Variants in SHQ1 observed in about 807,000 individuals in gnomAD.
SHQ1 encodes SHQ1, H/ACA ribonucleoprotein assembly factor, also known as protein SHQ1 homolog.
A neutral mutation model predicts 53.8 loss-of-function variants in SHQ1; 49 were observed. The observed-to-expected ratio is 0.91, with a 90% CI of 0.72 to 1.16. The LOEUF (loss-of-function observed/expected upper bound fraction) is 1.16, where lower values mean the gene tolerates loss of function less well. Among genes scored for constraint, SHQ1 ranks in the 50% most tolerant of loss-of-function variants. The pLI, the probability that SHQ1 is intolerant of heterozygous loss-of-function variation, is 0.00. For synonymous variants in SHQ1, 243 were observed against 251.0 expected, an observed-to-expected ratio of 0.97 and a Z score of 0.30; for missense variants, 738 against 683.1, an observed-to-expected ratio of 1.08 and a Z score of -0.90.
At chr3:72,823,293 T>C (rs1421097581) in intron 6 of SHQ1, among the ~76,000 whole-genome samples, 1 of 152,092 alleles carries the variant, frequency 6.6e-6, no homozygotes, top group Non-Finnish European at 1.5e-5. Flanking sequence ...CATAAAAACA[T>C]TTATTACAAT....
chr3:72,844,383 G>C lies in SHQ1; in HGVS notation c.184C>G (p.Gln62Glu), dbSNP rs571359083. 1.5e-5 allele frequency: 24 copies of C among 1,613,688 alleles called. No individual in the cohort carries two copies. In the South Asian group the frequency reaches 2.6e-4, roughly 18 times the overall value. ...PGRIVENGSE[Q>E]GSYDADKGIF... ...CCTTTATCTGCATCATAGGACCCTT[G>C]CTCACTTCCATTTTCTACAATTCTT... The change falls in exon 2 of 11, where the codon CAA (glutamine) becomes GAA (glutamate). Residue 62 changes from glutamine to glutamate, a missense_variant. Transcript: ENST00000325599.
At position 72,813,633 on chromosome 3, in the gene SHQ1, T is replaced by A. The variant is rs1416337977; in HGVS notation, c.937-839A>T. Among the ~76,000 whole-genome samples, 3 of 151,366 alleles carry A rather than the reference T, an allele frequency of 2.0e-5. No individual in the cohort carries two copies. In the East Asian group the frequency reaches 5.8e-4, roughly 29 times the overall value. On this transcript the variant is annotated intron_variant, in intron 8 of 10. Transcript: ENST00000325599. ...AAAATTAGCCGGGCGTGGTGGCAGG[T>A]GCCTGTAGTCCCAGCTACTCGGGAA...
At chr3:72,838,003 A>T (rs1212533991) in intron 4 of SHQ1, among the ~76,000 whole-genome samples, 1 of 152,244 alleles carries the variant, frequency 6.6e-6, no homozygotes, top group East Asian at 1.9e-4. Context: ...GCACAGTGCT[A>T]TCCAAATCCC....
At position 72,789,933 on chromosome 3, in the gene SHQ1, A is replaced by G. The variant is rs147667779; in HGVS notation, c.1181+2983T>C. On this transcript the variant is annotated intron_variant, in intron 10 of 10. Transcript: ENST00000325599. ...GGTATGGGTGGAGACAACTGGTTGC[A>G]TAAGTGGCATATCTTGAAAAATATG... Among the ~76,000 whole-genome samples, 935 of 152,364 alleles carry G rather than the reference A, an allele frequency of 6.1e-3. 14 individuals are homozygous for G. The highest frequency in any genetic ancestry group is 0.021 in the African/African-American group (878 of 41,576).
chr3:72,791,776 T>C (rs1335011108), intron 10 of SHQ1, among the ~76,000 whole-genome samples: 1 of 152,060 alleles, frequency 6.6e-6, no homozygotes, highest in Non-Finnish European at 1.5e-5. Flanking sequence ...GGTCTTGAAC[T>C]CCTGAACTCA....
chr3:72,831,452 G>A (rs1284972816), intron 5 of SHQ1, among the ~76,000 whole-genome samples: 2 of 152,222 alleles, frequency 1.3e-5, no homozygotes, highest in African/African-American at 2.4e-5. Context: ...CCTTGAGCAA[G>A]TCCCTTAAAC....
At chr3:72,783,780 T>G (rs930665167) in intron 10 of SHQ1, among the ~76,000 whole-genome samples, 1 of 152,206 alleles carries the variant, frequency 6.6e-6, no homozygotes, top group Admixed American at 6.5e-5. Context: ...TTGTATGTAT[T>G]AAGCTCCTCA....
intron 10 of SHQ1, among the ~76,000 whole-genome samples, chr3:72,768,710 T>C (rs1705785879): frequency 1.3e-5 from 2 of 152,238 alleles, no homozygotes; most frequent in African/African-American, 4.8e-5. Flanking sequence ...CAGCAGTTTT[T>C]TCCTCGACAC....
At chr3:72,775,585 C>T (rs1020751961) in intron 10 of SHQ1, among the ~76,000 whole-genome samples, 3 of 150,666 alleles carry the variant, frequency 2.0e-5, no homozygotes, top group South Asian at 2.1e-4. Flanking sequence ...AAGGACAGTA[C>T]AATAATGGGA....
intron 9 of SHQ1, among the ~76,000 whole-genome samples, chr3:72,803,617 G>A (rs1706856061): frequency 6.6e-6 from 1 of 152,210 alleles, no homozygotes; most frequent in Non-Finnish European, 1.5e-5. Flanking sequence ...CTAAGGCAGA[G>A]GTGGTAAATT....
chr3:72,815,193 T>C lies in SHQ1; in HGVS notation c.936+157A>G, dbSNP rs1384383277. On this transcript the variant is annotated intron_variant, in intron 8 of 10. Transcript: ENST00000325599. Reference sequence around the variant, plus strand: ...CCAAAGTACTCTACCTGGTTCATTATCAGAATTTTATTAAAAAGATGGAAA... The same window carrying C: ...CCAAAGTACTCTACCTGGTTCATTACCAGAATTTTATTAAAAAGATGGAAA... Among the ~76,000 whole-genome samples the C allele has an allele frequency of 3.3e-5, 5 of 152,150 alleles. No individual in the cohort carries two copies. In the South Asian group the frequency reaches 8.3e-4, roughly 25 times the overall value.
At chr3:72,734,917 G>A in the SHQ1 span, among the ~76,000 whole-genome samples, 24 of 151,566 alleles carry the variant, frequency 1.6e-4, no homozygotes, top group East Asian at 5.8e-4. Flanking sequence ...CATTTGTGCC[G>A]GCCATGATCC....
chr3:72,846,064 T>C (rs1258937757), intron 1 of SHQ1: 1 of 715,276 alleles, frequency 1.4e-6, no homozygotes, highest in Non-Finnish European at 2.3e-6. Flanking sequence ...CAAGCGTTAC[T>C]ATGAGCATGA....
chr3:72,736,827 A>G, the SHQ1 span, among the ~76,000 whole-genome samples: 4 of 148,710 alleles, frequency 2.7e-5, no homozygotes, highest in Admixed American at 6.7e-5. Context: ...AAAGATCCTC[A>G]GTTTGCAGGC....
intron 4 of SHQ1, among the ~76,000 whole-genome samples, chr3:72,836,735 A>C (rs1708011249): frequency 6.6e-6 from 1 of 152,208 alleles, no homozygotes; most frequent in Admixed American, 6.5e-5. Context: ...GAAGGCATTA[A>C]TCAACCAAAG....
At chr3:72,736,589 GA>G in the SHQ1 span, among the ~76,000 whole-genome samples, 1 of 149,782 alleles carries the variant, frequency 6.7e-6, no homozygotes, top group Non-Finnish European at 1.5e-5. Flanking sequence ...TCAGGAGTTT[GA>G]AACCAGCCTG....
intron 10 of SHQ1, among the ~76,000 whole-genome samples, chr3:72,775,056 A>C (rs1705929687): frequency 1.3e-5 from 2 of 152,204 alleles, no homozygotes; most frequent in Admixed American, 6.5e-5. Flanking sequence ...CAGAGGTTGC[A>C]GTGAGCAGAG....
intron 10 of SHQ1, among the ~76,000 whole-genome samples, chr3:72,778,724 G>A (rs1159561265): frequency 6.6e-6 from 1 of 152,112 alleles, no homozygotes; most frequent in Non-Finnish European, 1.5e-5. Flanking sequence ...AACAATAACA[G>A]AGGCAAATAA....
At chr3:72,726,638 C>CA in the SHQ1 span, among the ~76,000 whole-genome samples, 41 of 152,292 alleles carry the variant, frequency 2.7e-4, no homozygotes, top group African/African-American at 8.4e-4. Flanking sequence ...AGGTGTGAGC[C>CA]ACCACGCCGG....
Sources: allele counts gnomAD v4.1 joint callset (sites outside exome capture counted in the v4.1 genomes callset), GRCh38; gene constraint gnomAD v4.1.1; transcripts MANE v1.5; gene names NCBI Gene and HGNC (gene_info 2026-07-23, HGNC 2026-07-21).